The following SPTLC1 variants were observed in gnomAD, a reference collection of about 807,000 sequenced individuals.
SPTLC1 encodes serine palmitoyltransferase long chain base subunit 1.
A neutral mutation model predicts 68.9 loss-of-function variants in SPTLC1; 55 were observed. The ratio of observed to expected loss-of-function variants is 0.80; its 90% CI spans 0.64 to 1.00. The LOEUF (loss-of-function observed/expected upper bound fraction) is 1.00. SPTLC1 is among the 50% of genes least tolerant of loss of function. The pLI is 0.00. For missense variants in SPTLC1, 449 were observed against 573.1 expected, an observed-to-expected ratio of 0.78 and a Z score of 2.21; for synonymous variants, 197 against 201.6, an observed-to-expected ratio of 0.98 and a Z score of 0.19.
intron 3 of SPTLC1, among the ~76,000 whole-genome samples, chr9:92,103,319 G>C (rs943540341): frequency 3.9e-5 from 6 of 152,218 alleles, no homozygotes; most frequent in African/African-American, 1.4e-4. Context: ...CTGGAGCCCA[G>C]AGCATGCCAT....
intron 2 of SPTLC1, 67 bp from the exon 3 acceptor site, chr9:92,108,901 C>T: frequency 6.3e-7 from 1 of 1,587,204 alleles, no homozygotes; most frequent in Non-Finnish European, 8.6e-7. Flanking sequence ...GTCTCTGCAA[C>T]TTCAGTATTT....
intron 12 of SPTLC1, among the ~76,000 whole-genome samples, chr9:92,042,963 T>C (rs1245526265): frequency 2.0e-5 from 3 of 152,206 alleles, no homozygotes; most frequent in Non-Finnish European, 4.4e-5. Context: ...TCAGTAATCT[T>C]AAACTGAAAT....
At chr9:92,047,039 T>C in intron 11 of SPTLC1, 133 bp downstream of exon 11, 1 of 782,070 alleles carries the variant, frequency 1.3e-6, no homozygotes, top group Admixed American at 1.9e-5. Flanking sequence ...ACTGCCATTC[T>C]TCCTATGAAT....
Position 92,059,190 on chromosome 9 carries a change from C to T in SPTLC1, c.679G>A (p.Glu227Lys), listed in dbSNP as rs183695413. 1.2e-5 allele frequency: 20 copies of T among 1,613,654 alleles called. No homozygotes were observed. The Middle Eastern group carries it at 5.0e-4, about 40-fold the overall frequency. The part of the protein sequence containing the change: ...LERLLKEQEI[E>K]DQKNPRKARV... Reference sequence around the variant, plus strand: ...CAAAAGAATCATACCTTTTGATCTTCGATCTCTTGTTCTTTTAGTAGTCGC... The same window carrying T: ...CAAAAGAATCATACCTTTTGATCTTTGATCTCTTGTTCTTTTAGTAGTCGC... The change falls in exon 7 of 15, where the codon GAA (glutamate) becomes AAA (lysine). Residue 227 changes from glutamate to lysine, a missense_variant. By Grantham distance (56) the Glu-to-Lys change is moderately conservative. Coordinates refer to ENST00000262554, the MANE Select transcript of SPTLC1 (RefSeq NM_006415.4).
intron 6 of SPTLC1, among the ~76,000 whole-genome samples, chr9:92,063,413 T>C (rs962304129): frequency 1.3e-5 from 2 of 152,126 alleles, no homozygotes; most frequent in African/African-American, 4.8e-5. Context: ...GCCCAGATGG[T>C]TTCATGGGAG....
At chr9:92,083,240 T>C (rs546197051) in intron 3 of SPTLC1, among the ~76,000 whole-genome samples, 96 of 152,316 alleles carry the variant, frequency 6.3e-4, no homozygotes, top group African/African-American at 2.3e-3. Flanking sequence ...AGCTCTTTAG[T>C]TTAATTAGAT....
intron 8 of SPTLC1, among the ~76,000 whole-genome samples, chr9:92,052,811 C>T (rs1282966529): frequency 6.6e-6 from 1 of 151,954 alleles, no homozygotes; most frequent in East Asian, 1.9e-4. Flanking sequence ...GGATTACAGG[C>T]GTGAGCCACC....
intron 6 of SPTLC1, among the ~76,000 whole-genome samples, chr9:92,063,925 C>A (rs900794663): frequency 6.6e-6 from 1 of 152,112 alleles, no homozygotes; most frequent in South Asian, 2.1e-4. Context: ...AAAGAGTAAA[C>A]GCTTTCTAAT....
intron 3 of SPTLC1, among the ~76,000 whole-genome samples, chr9:92,089,505 C>T (rs1835279558): frequency 6.6e-6 from 1 of 152,048 alleles, no homozygotes; most frequent in South Asian, 2.1e-4. Context: ...AATTAGAAAT[C>T]TAAAAGATAG....
At chr9:92,072,626 A>G (rs554360105) in intron 5 of SPTLC1, among the ~76,000 whole-genome samples, 7 of 151,982 alleles carry the variant, frequency 4.6e-5, no homozygotes, top group Non-Finnish European at 1.0e-4. Context: ...CAAACCTCTT[A>G]GCTTTCACCC....
At chr9:92,044,860 G>C (rs1282101620) in intron 12 of SPTLC1, among the ~76,000 whole-genome samples, 3 of 152,184 alleles carry the variant, frequency 2.0e-5, no homozygotes, top group African/African-American at 7.2e-5. Context: ...AGTGAAGACA[G>C]AGGATTAGGA....
chr9:92,081,537 G>A (rs563671878), intron 3 of SPTLC1, among the ~76,000 whole-genome samples: 1 of 152,294 alleles, frequency 6.6e-6, no homozygotes, highest in Non-Finnish European at 1.5e-5. Flanking sequence ...ACTGGAGCCG[G>A]ATATGAGCCC....
intron 3 of SPTLC1, among the ~76,000 whole-genome samples, chr9:92,087,297 C>G (rs1207190987): frequency 6.6e-6 from 1 of 152,196 alleles, no homozygotes; most frequent in Non-Finnish European, 1.5e-5. Context: ...GAACTGCGTT[C>G]CTTTGGAGGA....
At chr9:92,069,833 T>C (rs1303123969) in intron 5 of SPTLC1, among the ~76,000 whole-genome samples, 1 of 152,214 alleles carries the variant, frequency 6.6e-6, no homozygotes, top group African/African-American at 2.4e-5. Context: ...TCATTTGGTA[T>C]CTCCATTTCA....
intron 5 of SPTLC1, among the ~76,000 whole-genome samples, chr9:92,077,225 T>C (rs192765859): frequency 5.3e-4 from 80 of 152,220 alleles, no homozygotes; most frequent in Middle Eastern, 3.4e-3. Context: ...GGTCCCAACC[T>C]TATTTCAGAC....
intron 3 of SPTLC1, among the ~76,000 whole-genome samples, chr9:92,088,912 C>T (rs979853758): frequency 3.3e-5 from 5 of 152,126 alleles, no homozygotes; most frequent in South Asian, 2.1e-4. Flanking sequence ...TAAAACCAAC[C>T]AGAAAGACAT....
chr9:92,099,399 C>T (rs965539479), intron 3 of SPTLC1, among the ~76,000 whole-genome samples: 4 of 152,090 alleles, frequency 2.6e-5, no homozygotes, highest in Non-Finnish European at 5.9e-5. Context: ...CAGTCGCGTG[C>T]CATTTAACAT....
chr9:92,098,785 T>C (rs1417937351), intron 3 of SPTLC1, among the ~76,000 whole-genome samples: 2 of 152,104 alleles, frequency 1.3e-5, no homozygotes, highest in Non-Finnish European at 2.9e-5. Flanking sequence ...AAATAGCCAA[T>C]GCAGAACAGA....
At chr9:92,045,934 T>C (rs1384199193) in intron 12 of SPTLC1, 65 bp downstream of exon 12, 2 of 1,476,474 alleles carry the variant, frequency 1.4e-6, no homozygotes, top group African/African-American at 1.4e-5. Context: ...AATTTAAAAC[T>C]TTCCATTAGT....
Sources: allele counts gnomAD v4.1 joint callset (sites outside exome capture counted in the v4.1 genomes callset), GRCh38; gene constraint gnomAD v4.1.1; transcripts MANE v1.5; gene names NCBI Gene and HGNC (gene_info 2026-07-23, HGNC 2026-07-21).